PSMA1: variants seen among roughly 807,000 people sequenced by gnomAD.
PSMA1 encodes the protein proteasome subunit alpha type-1.
Under a neutral mutation model 38.4 loss-of-function variants are expected in PSMA1, and 3 were observed. The ratio of observed to expected loss-of-function variants is 0.08; its 90% CI spans 0.04 to 0.20. The LOEUF (loss-of-function observed/expected upper bound fraction) is 0.20, where lower values mean the gene tolerates loss of function less well. PSMA1 is among the 10% of genes least tolerant of loss of function. The pLI, the probability that PSMA1 is intolerant of heterozygous loss-of-function variation, is 1.00. For synonymous variants in PSMA1, 101 were observed against 107.1 expected (o/e 0.94, Z 0.35); for missense variants, 227 against 325.3 (o/e 0.70, Z 2.32).
chr11:14,626,042 A>G (rs1211143207), intron 1 of PSMA1, among the ~76,000 whole-genome samples: 1 of 152,176 alleles, frequency 6.6e-6, no homozygotes, highest in Non-Finnish European at 1.5e-5. Context: ...ATGCCAATTC[A>G]AAAAACGTTA....
rs931816985 is a variant in PSMA1, at chr11:14,592,397, T to A, written c.21+18569A>T. ...CTCTCTATATATATATATATATATT[T>A]TTTTTTTAGATGGAGTCTCGCTTTG... On this transcript the variant is annotated intron_variant, in intron 2 of 10. Coordinates refer to the PSMA1 transcript ENST00000418988. Among the ~76,000 whole-genome samples, 769 of 142,906 alleles carry A rather than the reference T, an allele frequency of 5.4e-3. 12 individuals are homozygous for A. The highest frequency in any genetic ancestry group is 7.1e-3 in the African/African-American group (261 of 36,570). The allele number at this position is 142,906 out of a possible 152,430, so 93.8% of individuals were successfully genotyped here.
At chr11:14,632,122 T>C (rs564520659) in intron 1 of PSMA1, among the ~76,000 whole-genome samples, 69 of 143,176 alleles carry the variant, frequency 4.8e-4, no homozygotes, top group Admixed American at 4.1e-3. Flanking sequence ...CTTTATCCAA[T>C]TTGCCAGTCT....
chr11:14,542,619 T>A (rs1025111706), intron 2 of PSMA1, among the ~76,000 whole-genome samples: 3 of 152,114 alleles, frequency 2.0e-5, no homozygotes, highest in African/African-American at 7.2e-5. Context: ...AAACCTGAGG[T>A]GTTTTATTAA....
chr11:14,610,987 A>G, exon 2 of PSMA1: 1 of 1,613,172 alleles, frequency 6.2e-7, no homozygotes, highest in Non-Finnish European at 8.5e-7. Flanking sequence ...TGAGCTGCAT[A>G]ACATTTCCAG....
intron 2 of PSMA1, among the ~76,000 whole-genome samples, chr11:14,556,163 GT>G (rs1851939258): frequency 6.6e-6 from 1 of 152,172 alleles, no homozygotes; most frequent in African/African-American, 2.4e-5. Flanking sequence ...TACTCACTGG[GT>G]TTGGTGGAGC....
chr11:14,504,882 G>C lies in PSMA1; in HGVS notation c.*310C>G. 1 of 267,114 alleles carries C rather than the reference G, an allele frequency of 3.7e-6. No individual in the cohort carries two copies. The highest frequency in any genetic ancestry group is 7.1e-6 in the Non-Finnish European group (1 of 140,752). 16.5% of individuals were successfully genotyped at this position (267,114 alleles called of 1,614,324 possible). On this transcript the variant is annotated 3_prime_UTR_variant, in exon 10 of 10. Transcript: ENST00000396394. ...AAAAAACAAAAACCCAATATACCAG[G>C]CGGTGAAACAATTTTATTTCACAGT...
chr11:14,633,946 C>G (rs1283285782), intron 1 of PSMA1, among the ~76,000 whole-genome samples: 3 of 152,202 alleles, frequency 2.0e-5, no homozygotes, highest in Non-Finnish European at 4.4e-5. Flanking sequence ...AAAGGGAACT[C>G]CCTGACCCCT....
intron 2 of PSMA1, among the ~76,000 whole-genome samples, chr11:14,552,193 G>C (rs1279866910): frequency 1.3e-5 from 2 of 152,180 alleles, no homozygotes; most frequent in Admixed American, 6.5e-5. Context: ...GAGAGCAATT[G>C]GAGTGCCCAT....
At chr11:14,598,012 T>A (rs1015129599) in intron 2 of PSMA1, among the ~76,000 whole-genome samples, 1 of 152,222 alleles carries the variant, frequency 6.6e-6, no homozygotes, top group Non-Finnish European at 1.5e-5. Context: ...ATTTACCCAG[T>A]AGTCACTCAG....
intron 4 of PSMA1, among the ~76,000 whole-genome samples, chr11:14,516,132 CT>C (rs1437427570): frequency 6.6e-6 from 1 of 151,398 alleles, no homozygotes; most frequent in African/African-American, 2.4e-5. Flanking sequence ...ATTCCTTGAA[CT>C]CTGGAGGCGG....
intron 2 of PSMA1, among the ~76,000 whole-genome samples, chr11:14,529,668 C>T (rs954165839): frequency 3.3e-5 from 5 of 152,178 alleles, no homozygotes; most frequent in Non-Finnish European, 7.3e-5. Context: ...TTTATGCGTG[C>T]GTTCTTTGGT....
At chr11:14,581,488 G>A (rs765549187) in intron 2 of PSMA1, among the ~76,000 whole-genome samples, 2 of 152,158 alleles carry the variant, frequency 1.3e-5, no homozygotes, top group Non-Finnish European at 2.9e-5. Flanking sequence ...TTGAGATTCA[G>A]ATGGGCTAAT....
chr11:14,605,575 C>T (rs141363111), intron 2 of PSMA1, among the ~76,000 whole-genome samples: 113 of 152,036 alleles, frequency 7.4e-4, no homozygotes, highest in African/African-American at 2.5e-3. Context: ...TTTATAGAGA[C>T]GGGGTCTCAC....
At chr11:14,615,996 A>G (rs563407078) in intron 1 of PSMA1, among the ~76,000 whole-genome samples, 12 of 152,148 alleles carry the variant, frequency 7.9e-5, no homozygotes, top group Non-Finnish European at 1.8e-4. Context: ...TTGAGAATCA[A>G]GTAAAGAGCT....
chr11:14,521,783 A>AC (rs1252953559), upstream of PSMA1, among the ~76,000 whole-genome samples: 2 of 151,540 alleles, frequency 1.3e-5, no homozygotes, highest in Non-Finnish European at 2.9e-5. Context: ...AAAAAACAAA[A>AC]AACAAAGTAC....
intron 2 of PSMA1, among the ~76,000 whole-genome samples, chr11:14,580,696 G>T (rs1852272198): frequency 6.6e-6 from 1 of 152,176 alleles, no homozygotes; most frequent in South Asian, 2.1e-4. Context: ...TACTTGGTTT[G>T]GTGATAGTGG....
In PSMA1 at chr11:14,634,598, G is replaced by A. The variant is rs180707993; in HGVS notation, c.-166+8857C>T. 1.0e-3 allele frequency among the ~76,000 whole-genome samples: 155 copies of A among 151,880 alleles called. 1 individual carries two copies. The South Asian group carries it at 0.012, about 11-fold the overall frequency. On this transcript the variant is annotated intron_variant, in intron 1 of 10. Coordinates refer to the PSMA1 transcript ENST00000418988. ...GGCCTCAAGTTATTCTCCTAACTCA[G>A]CCTTCTGAAGTGTGGGATTACAGGC...
intron 1 of PSMA1, among the ~76,000 whole-genome samples, chr11:14,631,541 T>C (rs938183842): frequency 2.6e-5 from 4 of 152,230 alleles, no homozygotes; most frequent in African/African-American, 7.2e-5. Context: ...TAGTTTGCTA[T>C]AATTTCTGTT....
At chr11:14,507,333 A>C (rs1354463055) in intron 9 of PSMA1, among the ~76,000 whole-genome samples, 1 of 151,962 alleles carries the variant, frequency 6.6e-6, no homozygotes, top group Admixed American at 6.6e-5. Context: ...ACGCCCAGCT[A>C]ATTTTTGTAT....
Sources: allele counts gnomAD v4.1 joint callset (sites outside exome capture counted in the v4.1 genomes callset), GRCh38; gene constraint gnomAD v4.1.1; transcripts MANE v1.5; gene names NCBI Gene and HGNC (gene_info 2026-07-23, HGNC 2026-07-21).